The following PTPRD variants were observed in gnomAD, a reference collection of about 807,000 sequenced individuals.
PTPRD encodes protein tyrosine phosphatase receptor type D, also known as receptor-type tyrosine-protein phosphatase delta.
A neutral mutation model predicts 214.5 loss-of-function variants in PTPRD; 34 were observed. The ratio of observed to expected loss-of-function variants is 0.16; its 90% CI spans 0.12 to 0.21. PTPRD has a LOEUF of 0.21. Among genes scored for constraint, PTPRD ranks in the 10% least tolerant of loss-of-function variants. The pLI, the probability that PTPRD is intolerant of heterozygous loss-of-function variation, is 1.00. For missense variants in PTPRD, 2,545 were observed against 2,398.7 expected, an observed-to-expected ratio of 1.06 and a Z score of -1.27; for synonymous variants, 1,128 against 845.7, an observed-to-expected ratio of 1.33 and a Z score of -5.79.
chr9:8,534,632 T>C (rs1183751203), intron 14 of PTPRD, among the ~76,000 whole-genome samples: 1 of 151,344 alleles, frequency 6.6e-6, no homozygotes, highest in African/African-American at 2.4e-5. Context: ...CTAGAGTATA[T>C]ATATATACAC....
intron 7 of PTPRD, among the ~76,000 whole-genome samples, chr9:9,677,432 G>T (rs566409841): frequency 6.6e-6 from 1 of 152,042 alleles, no homozygotes; most frequent in African/African-American, 2.4e-5. Flanking sequence ...ATCAATAAAC[G>T]TTTTCCAGCA....
intron 7 of PTPRD, 119 bp from the exon 8 acceptor site, chr9:9,574,900 A>G (rs1380044834): frequency 6.6e-6 from 1 of 152,162 alleles, no homozygotes; most frequent in Non-Finnish European, 1.5e-5. Flanking sequence ...ATTAGTGTAC[A>G]TATCACTTGA....
intron 2 of PTPRD, among the ~76,000 whole-genome samples, chr9:10,570,894 T>G (rs1009496383): frequency 6.0e-5 from 9 of 151,162 alleles, no homozygotes; most frequent in Non-Finnish European, 1.2e-4. Flanking sequence ...TTTTTTTTTT[T>G]GTACAGGGTT....
chr9:10,332,579 AC>A (rs1386190203), intron 3 of PTPRD, among the ~76,000 whole-genome samples: 2 of 151,852 alleles, frequency 1.3e-5, no homozygotes, highest in Non-Finnish European at 2.9e-5. Flanking sequence ...ATGACATACT[AC>A]ATGCAGCATA....
Position 8,499,664 on chromosome 9 carries a change from T to C in PTPRD, c.2305A>G (p.Met769Val), listed in dbSNP as rs1333470758. The C allele has an allele frequency of 2.5e-6, 4 of 1,613,464 alleles. No homozygotes were observed. The highest frequency in any genetic ancestry group is 3.4e-6 in the Non-Finnish European group (4 of 1,179,750). The change falls in exon 25 of 46, where the codon ATG (methionine) becomes GTG (valine). Residue 769 changes from methionine to valine, a missense_variant. Met to Val is a conservative substitution (Grantham distance 21, BLOSUM62 1). Transcript: ENST00000381196. ...AGGCTTACCTGTGCATCAGCCAGCA[T>C]GACATCTTTCAGCATGGGCTGGCCC... Reference protein sequence around the residue: ...PKGQPMLKDVMLADAQWEFDD... With the variant: ...PKGQPMLKDVVLADAQWEFDD...
chr9:8,612,266 T>C (rs2095478841), intron 14 of PTPRD, among the ~76,000 whole-genome samples: 1 of 152,202 alleles, frequency 6.6e-6, no homozygotes, highest in Non-Finnish European at 1.5e-5. Flanking sequence ...ATCCAGTAAG[T>C]ATATTTATAT....
chr9:10,608,666 G>A (rs1189244614), intron 2 of PTPRD, among the ~76,000 whole-genome samples: 3 of 152,100 alleles, frequency 2.0e-5, no homozygotes, highest in Non-Finnish European at 2.9e-5. Context: ...AGAGAGTCCA[G>A]ATTACCTCCT....
chr9:8,729,385 T>C (rs553153883), intron 12 of PTPRD, among the ~76,000 whole-genome samples: 11 of 152,102 alleles, frequency 7.2e-5, no homozygotes, highest in Non-Finnish European at 1.6e-4. Context: ...CTGGAGACTT[T>C]AACTTGCTAC....
chr9:10,440,582 G>A (rs1299846292), intron 2 of PTPRD, among the ~76,000 whole-genome samples: 2 of 151,694 alleles, frequency 1.3e-5, no homozygotes, highest in African/African-American at 4.8e-5. Flanking sequence ...CAGAGGCGCT[G>A]GTGAGAAGGG....
At chr9:8,592,242 A>T (rs1167685397) in intron 14 of PTPRD, among the ~76,000 whole-genome samples, 1 of 152,124 alleles carries the variant, frequency 6.6e-6, no homozygotes. Context: ...CTCTTCAAAC[A>T]ACTACTCAGA....
At chr9:9,608,517 A>G (rs1231993756) in intron 7 of PTPRD, among the ~76,000 whole-genome samples, 1 of 152,206 alleles carries the variant, frequency 6.6e-6, no homozygotes, top group Non-Finnish European at 1.5e-5. Context: ...CCTTTATGCC[A>G]GGGGCATATT....
At chr9:9,222,962 C>T (rs2099957133) in intron 9 of PTPRD, among the ~76,000 whole-genome samples, 1 of 151,978 alleles carries the variant, frequency 6.6e-6, no homozygotes, top group Admixed American at 6.6e-5. Flanking sequence ...AGCTAAACTG[C>T]AACAAGTATA....
intron 5 of PTPRD, among the ~76,000 whole-genome samples, chr9:9,833,834 GC>G (rs1414475811): frequency 6.6e-6 from 1 of 152,054 alleles, no homozygotes; most frequent in Non-Finnish European, 1.5e-5. Flanking sequence ...GGTGGTCAGA[GC>G]TTAAGGTTAT....
chr9:8,497,855 T>C (rs565180869), intron 25 of PTPRD, among the ~76,000 whole-genome samples: 26 of 152,306 alleles, frequency 1.7e-4, no homozygotes, highest in African/African-American at 6.0e-4. Context: ...GCAATGGAAC[T>C]AGGGAGAGAA....
At chr9:9,774,307 A>G (rs2098778708) in intron 5 of PTPRD, among the ~76,000 whole-genome samples, 1 of 152,226 alleles carries the variant, frequency 6.6e-6, no homozygotes, top group Non-Finnish European at 1.5e-5. Flanking sequence ...GGGGGCTAAG[A>G]GAATATTGAT....
chr9:8,930,206 T>C (rs1009452943), intron 11 of PTPRD, among the ~76,000 whole-genome samples: 10 of 150,328 alleles, frequency 6.7e-5, no homozygotes, highest in Non-Finnish European at 1.3e-4. Context: ...TGAGAACATG[T>C]GGTGTTTGGT....
At chr9:9,771,765 G>A (rs1435668049) in intron 5 of PTPRD, among the ~76,000 whole-genome samples, 12 of 152,074 alleles carry the variant, frequency 7.9e-5, no homozygotes, top group Admixed American at 7.2e-4. Context: ...TGTGTAAACC[G>A]AATTTAAGAA....
At chr9:9,327,647 T>C (rs2040519879) in intron 9 of PTPRD, among the ~76,000 whole-genome samples, 1 of 152,092 alleles carries the variant, frequency 6.6e-6, no homozygotes, top group African/African-American at 2.4e-5. Context: ...AGGTACAAAA[T>C]GAGAATGTGG....
chr9:8,973,260 A>G (rs1196310526), intron 11 of PTPRD, among the ~76,000 whole-genome samples: 1 of 151,614 alleles, frequency 6.6e-6, no homozygotes, highest in Non-Finnish European at 1.5e-5. Flanking sequence ...TTTTTTCCAT[A>G]TTTATGTCCC....
Sources: gnomAD v4.1 joint callset for allele counts (sites outside exome capture counted in the v4.1 genomes callset) on GRCh38, gnomAD v4.1.1 for gene constraint, MANE v1.5 for transcripts, NCBI Gene and HGNC (gene_info 2026-07-23, HGNC 2026-07-21) for gene names.